Variants in PARVG observed in about 807,000 individuals in gnomAD.
The protein encoded by PARVG is parvin gamma.
PARVG carries 36 observed loss-of-function variants against 44.4 expected under a neutral mutation model. The observed-to-expected ratio is 0.81, with a 90% confidence interval of 0.62 to 1.07. PARVG has a LOEUF of 1.07. Ranked by LOEUF, PARVG falls within the 50% of genes least tolerant of loss-of-function variation. The pLI is 0.00. For synonymous variants in PARVG, 170 were observed against 174.1 expected (o/e 0.98, Z 0.19); for missense variants, 407 against 407.4 (o/e 1.00, Z 0.01).
upstream of PARVG, among the ~76,000 whole-genome samples, chr22:44,180,183 C>T (rs1476709129): frequency 2.6e-5 from 4 of 152,150 alleles, no homozygotes; most frequent in African/African-American, 9.7e-5. Flanking sequence ...GGCCACAGCT[C>T]CTATCCCGAG....
At chr22:44,177,496 C>T (rs1355014156), upstream of PARVG, among the ~76,000 whole-genome samples, 1 of 152,170 alleles carries the variant, frequency 6.6e-6, no homozygotes, top group Admixed American at 6.5e-5. Flanking sequence ...TCTCCAGCCT[C>T]CTGTAGTCTG....
chr22:44,198,785 C>A, intron 12 of PARVG, 63 bp downstream of exon 12: 2 of 1,291,118 alleles, frequency 1.5e-6, no homozygotes, highest in Non-Finnish European at 2.3e-6. Context: ...ACAGAACTGG[C>A]ATGACCAGTC....
At chr22:44,191,994 T>C (rs774025202) in intron 7 of PARVG, 55 bp from the exon 8 acceptor site, 44 of 1,582,414 alleles carry the variant, frequency 2.8e-5, no homozygotes, top group Non-Finnish European at 3.8e-5. Flanking sequence ...TGGGGCTTCT[T>C]TGGGCCCCAG....
upstream of PARVG, among the ~76,000 whole-genome samples, chr22:44,178,325 G>A (rs1419536026): frequency 6.6e-6 from 1 of 152,190 alleles, no homozygotes; most frequent in Admixed American, 6.5e-5. Flanking sequence ...CCCTACCCTG[G>A]TCTTGGCTTT....
At chr22:44,190,487 C>A (rs146896744) in intron 6 of PARVG, 64 bp from the exon 7 acceptor site, 2 of 1,219,282 alleles carry the variant, frequency 1.6e-6, no homozygotes, top group Admixed American at 3.4e-5. Context: ...AGTGAGGAAG[C>A]CTCCATTTGG....
chr22:44,201,683 G>T (rs931963876), intron 12 of PARVG, among the ~76,000 whole-genome samples: 1 of 152,236 alleles, frequency 6.6e-6, no homozygotes, highest in Admixed American at 6.5e-5. Flanking sequence ...AAACCTAGGG[G>T]CTGAAAACCA....
chr22:44,198,756 C>A, intron 12 of PARVG, 34 bp downstream of exon 12: 2 of 1,496,312 alleles, frequency 1.3e-6, no homozygotes, highest in Non-Finnish European at 1.9e-6. Flanking sequence ...TTATGGTCTA[C>A]CTCTAGGTGA....
At position 44,183,344 on chromosome 22, in the gene PARVG, C is replaced by G; in HGVS notation, c.15C>G (p.Phe5Leu). Residue 5 changes from phenylalanine (F) to leucine (L), a missense_variant, in exon 3 of 14, where the codon TTC (phenylalanine) becomes TTG (leucine). Coordinates refer to ENST00000444313, the MANE Select transcript of PARVG (RefSeq NM_022141.7). MEPE[F>L]LYDLLQLPKG... ...CTTGGGAGGCGATGGAGCCGGAGTT[C>G]TTGTACGACCTGCTGCAGCTCCCCA... is the stretch of plus-strand genomic sequence containing the variant. 2 of 1,610,176 alleles carry G rather than the reference C, an allele frequency of 1.2e-6. No homozygotes were observed. The highest frequency in any genetic ancestry group is 8.5e-7 in the Non-Finnish European group (1 of 1,178,914).
chr22:44,173,091 GA>G (rs1390611598), exon 1 of PARVG: 1 of 1,289,764 alleles, frequency 7.8e-7, no homozygotes. Flanking sequence ...GGAGCTGGGG[GA>G]AGAGCTGGTT....
chr22:44,186,202 G>A (rs967512563), intron 4 of PARVG: 24 of 306,122 alleles, frequency 7.8e-5, no homozygotes, highest in African/African-American at 3.2e-4. Context: ...TCAGGGGCAC[G>A]CAGCTGCCCG....
At chr22:44,186,488 TCTTC>T in intron 4 of PARVG, 2 of 460,304 alleles carry the variant, frequency 4.3e-6, no homozygotes, top group Non-Finnish European at 9.1e-6. Flanking sequence ...GCCTACACCA[TCTTC>T]CATACCCAGA....
chr22:44,193,989 A>C (rs566018706), intron 9 of PARVG, among the ~76,000 whole-genome samples, 166 bp downstream of exon 9: 2 of 152,284 alleles, frequency 1.3e-5, no homozygotes, highest in South Asian at 4.1e-4. Context: ...CTGTCTGTCC[A>C]TCCATGGAGC....
chr22:44,203,724 T>C (rs1049012985), intron 12 of PARVG, among the ~76,000 whole-genome samples: 76 of 152,328 alleles, frequency 5.0e-4, no homozygotes, highest in African/African-American at 1.7e-3. Context: ...GAGGAAGAAC[T>C]GGGGACACAG....
At chr22:44,203,765 G>T (rs2054742012) in intron 12 of PARVG, among the ~76,000 whole-genome samples, 1 of 152,228 alleles carries the variant, frequency 6.6e-6, no homozygotes, top group Admixed American at 6.5e-5. Context: ...GCTCTGGTCT[G>T]TCCACTCGGA....
chr22:44,200,119 T>G (rs1361104297), intron 12 of PARVG, among the ~76,000 whole-genome samples: 1 of 152,222 alleles, frequency 6.6e-6, no homozygotes. Context: ...CTGTGGTGTG[T>G]GCCACCACTT....
intron 6 of PARVG, 104 bp from the exon 7 acceptor site, chr22:44,190,446 AC>A: frequency 2.5e-6 from 2 of 815,338 alleles, no homozygotes; most frequent in Non-Finnish European, 4.2e-6. Flanking sequence ...CTGGACACAG[AC>A]CTCCTTGGTC....
rs113887726 is a variant in PARVG, at chr22:44,183,167, C to T, written c.-12-151C>T. The T allele has an allele frequency of 4.7e-4, 306 of 645,134 alleles. 3 individuals carry two copies. The highest frequency in any genetic ancestry group is 4.7e-3 in the African/African-American group (247 of 52,548). 40.0% of individuals were successfully genotyped at this position (645,134 alleles called of 1,614,324 possible). ...GGCTCAAGGGCTCTTTCTCACAGGG[C>T]CCGTACCCCCTGCCTAGGCTGGCAT... On this transcript the variant is annotated intron_variant, in intron 2 of 13. Coordinates refer to ENST00000444313, the MANE Select transcript of PARVG (RefSeq NM_022141.7).
In PARVG at chr22:44,198,714, G is replaced by A. The variant is rs1197028632; in HGVS notation, c.805G>A (p.Ala269Thr). 6.2e-7 allele frequency: 1 copy of A among 1,608,564 alleles called. No homozygotes were observed. The highest frequency in any genetic ancestry group is 1.1e-5 in the South Asian group (1 of 91,012). Reference sequence around the variant, plus strand: ...ATTCTACCTCACTCCCAACTCTCCTGCAGAAATGGTAAGTTTTCCAAGGAT... The same window carrying A: ...ATTCTACCTCACTCCCAACTCTCCTACAGAAATGGTAAGTTTTCCAAGGAT... ...KEFYLTPNSP[A>T]EMLHNVTLAL... The change falls in exon 12 of 14, where the codon GCA (alanine) becomes ACA (threonine). Residue 269 changes from alanine to threonine, a missense_variant. Transcript: ENST00000444313.
chr22:44,208,440 A>G lies in PARVG; in HGVS notation c.*2014A>G, dbSNP rs2054806233. The G allele has an allele frequency of 6.6e-6, 1 of 152,226 alleles. No individual in the cohort carries two copies. The highest frequency in any genetic ancestry group is 2.4e-5 in the African/African-American group (1 of 41,460). The allele number at this position is 152,226 out of a possible 1,614,324, so 9.4% of individuals were successfully genotyped here. On this transcript the variant is annotated 3_prime_UTR_variant, in exon 14 of 14. Transcript: ENST00000444313. ...CTGTCACCATCATTTAGACTTGTCT[A>G]GAATTTCTTATAAACTGTATCCTAT...
Sources: gnomAD v4.1 joint callset for allele counts (sites outside exome capture counted in the v4.1 genomes callset) on GRCh38, gnomAD v4.1.1 for gene constraint, MANE v1.5 for transcripts, NCBI Gene and HGNC (gene_info 2026-07-23, HGNC 2026-07-21) for gene names.